The following DYSF variants were observed in gnomAD, a reference collection of about 807,000 sequenced individuals.
The protein encoded by DYSF is dysferlin, also known as dystrophy-associated fer-1-like 1.
Under a neutral mutation model 274.9 loss-of-function variants are expected in DYSF, and 212 were observed. That is an observed-to-expected ratio of 0.77 (90% CI 0.69 to 0.86). The LOEUF (loss-of-function observed/expected upper bound fraction) is 0.86, where lower values mean the gene tolerates loss of function less well. DYSF is among the 40% of genes least tolerant of loss of function. The probability of loss-of-function intolerance (pLI) is 0.00; values close to 1 mark genes in which losing one functional copy is unlikely to be tolerated. For synonymous variants in DYSF, 1,091 were observed against 1,078.7 expected (o/e 1.01, Z -0.22); for missense variants, 2,666 against 2,783.2 (o/e 0.96, Z 0.95).
intron 29 of DYSF, among the ~76,000 whole-genome samples, chr2:71,571,651 A>C (rs2092465034): frequency 7.4e-6 from 1 of 135,686 alleles, no homozygotes; most frequent in South Asian, 2.5e-4. Context: ...CAGAGATCAC[A>C]CACAGATCAC....
chr2:71,655,125 A>G (rs1381150124), intron 42 of DYSF, among the ~76,000 whole-genome samples: 1 of 152,052 alleles, frequency 6.6e-6, no homozygotes, highest in Non-Finnish European at 1.5e-5. Flanking sequence ...ACAAGTTACA[A>G]GTTTGTATCT....
intron 42 of DYSF, among the ~76,000 whole-genome samples, chr2:71,651,781 C>T (rs1351354668): frequency 1.3e-5 from 2 of 152,048 alleles, no homozygotes; most frequent in Non-Finnish European, 2.9e-5. Flanking sequence ...TGAAACCTAA[C>T]TAATATTAAA....
chr2:71,592,054 C>G (rs1375594051), intron 32 of DYSF, among the ~76,000 whole-genome samples: 2 of 152,254 alleles, frequency 1.3e-5, no homozygotes, highest in Non-Finnish European at 2.9e-5. Context: ...AGAAAAAGGA[C>G]ATGGACGAGT....
At chr2:71,603,245 G>A (rs1413148728) in intron 36 of DYSF, among the ~76,000 whole-genome samples, 2 of 152,218 alleles carry the variant, frequency 1.3e-5, no homozygotes, top group East Asian at 3.9e-4. Flanking sequence ...CCAAGGACCA[G>A]TTTGGGTCCT....
intron 12 of DYSF, among the ~76,000 whole-genome samples, chr2:71,524,616 C>T (rs1038696940): frequency 2.6e-5 from 4 of 152,184 alleles, no homozygotes; most frequent in African/African-American, 9.7e-5. Flanking sequence ...AAGGAGTTGG[C>T]TGCTGGGCAC....
intron 38 of DYSF, among the ~76,000 whole-genome samples, chr2:71,612,256 G>T (rs142627571): frequency 0.015 from 2,273 of 152,290 alleles, 23 homozygotes; most frequent in Middle Eastern, 0.048. Context: ...GGGGTGTGTG[G>T]GGGGAAGAAT....
chr2:71,493,900 TAGAGGAAA>T (rs1446568062), intron 3 of DYSF, among the ~76,000 whole-genome samples: 5 of 151,446 alleles, frequency 3.3e-5, no homozygotes, highest in African/African-American at 7.3e-5. Flanking sequence ...AAAGGTTTTT[TAGAGGAAA>T]AGAGGAAAAT....
chr2:71,654,915 C>A (rs2094739535), intron 42 of DYSF, among the ~76,000 whole-genome samples: 1 of 151,904 alleles, frequency 6.6e-6, no homozygotes, highest in Non-Finnish European at 1.5e-5. Context: ...CTCATCTCTA[C>A]AAAAATAAAA....
At chr2:71,655,297 A>C (rs1418255915) in intron 42 of DYSF, among the ~76,000 whole-genome samples, 1 of 152,214 alleles carries the variant, frequency 6.6e-6, no homozygotes, top group Admixed American at 6.5e-5. Flanking sequence ...AATTTTAATA[A>C]TGAACCTGTG....
intron 41 of DYSF, among the ~76,000 whole-genome samples, chr2:71,629,129 A>G (rs994368928): frequency 6.6e-6 from 1 of 151,992 alleles, no homozygotes; most frequent in East Asian, 1.9e-4. Context: ...ATGTCTGTCA[A>G]ATTTTCTTTC....
At chr2:71,617,702 G>A (rs2093922808) in intron 40 of DYSF, among the ~76,000 whole-genome samples, 1 of 150,190 alleles carries the variant, frequency 6.7e-6, no homozygotes, top group Admixed American at 6.6e-5. Flanking sequence ...GTGTGCGTGT[G>A]TGGTAGAGGT....
intron 54 of DYSF, among the ~76,000 whole-genome samples, chr2:71,682,034 A>G (rs1053923067): frequency 6.6e-6 from 1 of 152,138 alleles, no homozygotes; most frequent in African/African-American, 2.4e-5. Flanking sequence ...GGCCTAGGGA[A>G]AGGTTTTGAG....
At chr2:71,516,666 C>T (rs1472345251) in intron 9 of DYSF, among the ~76,000 whole-genome samples, 2 of 152,204 alleles carry the variant, frequency 1.3e-5, no homozygotes, top group Non-Finnish European at 2.9e-5. Context: ...TGGCTCTTCC[C>T]CCATCTCCTC....
At position 71,549,232 on chromosome 2, in the gene DYSF, C is replaced by T. The variant is rs376874666; in HGVS notation, c.1577-1809C>T. The stretch of plus-strand genomic sequence containing the variant: ...CCTCGGGCCACATCTGTTTCACACC[C>T]GGGAGCTGTCTTTCCATCTGTCTGC... On this transcript the variant is annotated intron_variant, in intron 17 of 55. Coordinates refer to ENST00000410020, the MANE Select transcript of DYSF (RefSeq NM_001130987.2). The T allele has an allele frequency of 3.8e-4, 366 of 969,486 alleles. 5 individuals are homozygous for T. The South Asian group carries it at 4.1e-3, about 11-fold the overall frequency. The allele number at this position is 969,486 out of a possible 1,614,324, so 60.1% of individuals were successfully genotyped here. A position where few individuals can be genotyped will look rare whatever the true frequency, so the allele number is the denominator to read the frequency against.
intron 4 of DYSF, among the ~76,000 whole-genome samples, chr2:71,507,687 A>G (rs1230429170): frequency 6.6e-6 from 1 of 152,250 alleles, no homozygotes; most frequent in Non-Finnish European, 1.5e-5. Flanking sequence ...CATGTCAGGC[A>G]GGGCCCTCAG....
chr2:71,654,499 A>T (rs2094729615), intron 42 of DYSF, among the ~76,000 whole-genome samples: 1 of 152,210 alleles, frequency 6.6e-6, no homozygotes, highest in African/African-American at 2.4e-5. Context: ...AATAATGTTG[A>T]TGGCTGGGTC....
At position 71,513,272 on chromosome 2, in the gene DYSF, C is replaced by G; in HGVS notation, c.493C>G (p.Leu165Val). 6.4e-7 allele frequency: 1 copy of G among 1,551,660 alleles called. No individual in the cohort carries two copies. The highest frequency in any genetic ancestry group is 8.7e-7 in the Non-Finnish European group (1 of 1,146,970). ...ACAGAGCCGGGCCGAGACTTGGTCC[C>G]TGCTCAGTGACAGCACCATGGACAC... The part of the protein sequence containing the change: ...GGQSRAETWS[L>V]LSDSTMDTRY... Residue 165 changes from leucine to valine, a missense_variant, in exon 6 of 56, where the codon CTG becomes GTG. By Grantham distance (32) the Leu-to-Val change is conservative. Around this residue, in one of 3 missense-constraint regions of DYSF, gnomAD observed 794 missense variants for 777.1 expected, o/e 1.02. Coordinates refer to ENST00000410020, the MANE Select transcript of DYSF (RefSeq NM_001130987.2).
At chr2:71,549,951 G>T (rs2090809000) in intron 17 of DYSF, among the ~76,000 whole-genome samples, 1 of 152,100 alleles carries the variant, frequency 6.6e-6, no homozygotes, top group Non-Finnish European at 1.5e-5. Context: ...CTGGCTGAGA[G>T]GGGAGGTGAG....
chr2:71,638,699 A>G (rs560972438), intron 41 of DYSF, among the ~76,000 whole-genome samples: 2 of 152,212 alleles, frequency 1.3e-5, no homozygotes, highest in African/African-American at 2.4e-5. Flanking sequence ...TGCCAGTGTA[A>G]GGATATATCA....
Sources: gnomAD v4.1 joint callset for allele counts (sites outside exome capture counted in the v4.1 genomes callset) on GRCh38, gnomAD v4.1.1 for gene constraint, gnomAD v4.1.1 regional missense constraint, MANE v1.5 for transcripts, NCBI Gene and HGNC (gene_info 2026-07-23, HGNC 2026-07-21) for gene names.